Variants in RYR1 observed in about 807,000 individuals in gnomAD.
RYR1 encodes the protein central core disease of muscle.
A neutral mutation model predicts 583.5 loss-of-function variants in RYR1; 342 were observed. That is an observed-to-expected ratio of 0.59 (90% CI 0.54 to 0.64). The LOEUF (loss-of-function observed/expected upper bound fraction) is 0.64, where lower values mean the gene tolerates loss of function less well. RYR1 is among the 30% of genes least tolerant of loss of function. The probability of loss-of-function intolerance (pLI) is 0.00; values close to 1 mark genes in which losing one functional copy is unlikely to be tolerated. For missense variants in RYR1, 6,032 were observed against 6,917.2 expected, an observed-to-expected ratio of 0.87 and a Z score of 4.54; for synonymous variants, 2,791 against 2,822.5, an observed-to-expected ratio of 0.99 and a Z score of 0.35.
intron 67 of RYR1, among the ~76,000 whole-genome samples, chr19:38,521,753 C>CTGG (rs989108156): frequency 2.8e-5 from 4 of 142,480 alleles, no homozygotes; most frequent in Non-Finnish European, 4.6e-5. Context: ...CTCGCCCAGG[C>CTGG]TGGGGTGCAG....
intron 88 of RYR1, among the ~76,000 whole-genome samples, chr19:38,547,518 T>C (rs2960349): frequency 0.099 from 15,048 of 151,762 alleles, 1,575 homozygotes; most frequent in African/African-American, 0.26. Flanking sequence ...CTGGTGGAAG[T>C]TTTAGTTGTG....
chr19:38,457,778 C>T (rs1967496680), intron 17 of RYR1, 148 bp downstream of exon 17: 2 of 880,782 alleles, frequency 2.3e-6, no homozygotes, highest in African/African-American at 1.7e-5. Flanking sequence ...TGTGGCCCCA[C>T]TCTCCCTTGG....
intron 89 of RYR1, among the ~76,000 whole-genome samples, chr19:38,550,745 A>G (rs1348869980): frequency 6.6e-6 from 1 of 152,090 alleles, no homozygotes; most frequent in East Asian, 1.9e-4. Flanking sequence ...GGGGCTCCAC[A>G]ATGAAGTTAC....
At chr19:38,519,132 G>A (rs747503956) in intron 66 of RYR1, 82 bp from the exon 67 acceptor site, 2 of 1,609,834 alleles carry the variant, frequency 1.2e-6, no homozygotes, top group African/African-American at 2.7e-5. Context: ...TGGAGATGCT[G>A]TTTGGGAGTC....
rs1968793542 is a variant in RYR1, at chr19:38,477,515, A to C, written c.4294-195A>C. Among the ~76,000 whole-genome samples, 5 of 152,182 alleles carry C rather than the reference A, an allele frequency of 3.3e-5. No homozygotes were observed. The South Asian group carries it at 8.3e-4, about 25-fold the overall frequency. ...TATGGCACTGTCACACAATATTCCCAAGGGACTCCTAAATCTAGAATTGCA... is the reference window on the plus strand; with the variant it reads ...TATGGCACTGTCACACAATATTCCCCAGGGACTCCTAAATCTAGAATTGCA... On this transcript the variant is annotated intron_variant, in intron 29 of 105. Coordinates refer to ENST00000359596, the MANE Select transcript of RYR1 (RefSeq NM_000540.3).
chr19:38,470,623 G>T (rs1968374573), intron 27 of RYR1, among the ~76,000 whole-genome samples: 1 of 151,866 alleles, frequency 6.6e-6, no homozygotes, highest in South Asian at 2.1e-4. Context: ...GGTGCCTGTA[G>T]TCCCAGCTAC....
At position 38,525,458 on chromosome 19, in the gene RYR1, A is replaced by G. The variant is rs562359442; in HGVS notation, c.10582A>G (p.Thr3528Ala). Residue 3528 changes from threonine to alanine, a missense_variant, in exon 71 of 106, where the codon ACC becomes GCC. By Grantham distance (58) the Thr-to-Ala change is moderately conservative (BLOSUM62 0). This residue lies in a region of RYR1 where 1,493 missense variants were observed against 1,715.5 expected (regional missense o/e 0.87). Coordinates refer to ENST00000359596, the MANE Select transcript of RYR1 (RefSeq NM_000540.3). ...CATCGGCCTGAATATGTGTGCGCCC[A>G]CCGACCAAGACCTCATCACGCTGGC... ...LPIGLNMCAP[T>A]DQDLITLAKT... The G allele has an allele frequency of 1.4e-5, 22 of 1,613,892 alleles. No homozygotes were observed. The South Asian group carries it at 2.4e-4, about 18-fold the overall frequency.
At position 38,505,896 on chromosome 19, in the gene RYR1, G is replaced by A; in HGVS notation, c.8491G>A (p.Glu2831Lys). The A allele has an allele frequency of 6.2e-7, 1 of 1,614,018 alleles. No individual in the cohort carries two copies. The highest frequency in any genetic ancestry group is 8.5e-7 in the Non-Finnish European group (1 of 1,180,016). ...WTIEKAREGE[E>K]EKTEKKKTRK... ...GATAGAGAAGGCCAGGGAGGGTGAG[G>A]AGGAGAAGACGGAAAAGAAAAAAAC... Residue 2831 changes from glutamate (E) to lysine (K), a missense_variant, in exon 54 of 106, where the codon GAG becomes AAG. Glu to Lys is a moderately conservative substitution (Grantham distance 56). This residue lies in a region of RYR1 where 1,493 missense variants were observed against 1,715.5 expected (regional missense o/e 0.87). Coordinates refer to ENST00000359596, the MANE Select transcript of RYR1 (RefSeq NM_000540.3).
chr19:38,470,026 TGTG>T (rs1968335230), intron 27 of RYR1, among the ~76,000 whole-genome samples: 2 of 152,038 alleles, frequency 1.3e-5, no homozygotes, highest in African/African-American at 4.8e-5. Flanking sequence ...ATTAGCCAGA[TGTG>T]GTGGCACATG....
chr19:38,523,058 C>A lies in RYR1; in HGVS notation c.10290C>A (p.Ser3430Arg). 1 of 1,609,642 alleles carries A rather than the reference C, an allele frequency of 6.2e-7. No individual in the cohort carries two copies. Among genetic ancestry groups the A allele is most frequent in the East Asian group, 2.2e-5 (1 of 44,800 alleles). The change falls in exon 68 of 106, where the codon AGC becomes AGA. Residue 3430 changes from serine to arginine, a missense_variant. By Grantham distance (110) the Ser-to-Arg change is moderately radical. This residue lies in a region of RYR1 where 1,493 missense variants were observed against 1,715.5 expected (regional missense o/e 0.87). Coordinates refer to ENST00000359596, the MANE Select transcript of RYR1 (RefSeq NM_000540.3). ...AGTGGCTGACGGAGCCGAATCCCAG[C>A]GCGGAGGAGCTGTTCAGGATGGTGG... The part of the protein sequence containing the change: ...RAQWLTEPNP[S>R]AEELFRMVGE...
intron 48 of RYR1, 51 bp from the exon 49 acceptor site, chr19:38,502,808 GGGAGGAGCAGGGGCAGGGGCA>G (rs1970237206): frequency 9.3e-7 from 1 of 1,074,372 alleles, no homozygotes; most frequent in African/African-American, 2.7e-5. Flanking sequence ...CAGGGGCAGG[GGGAGGAGCAGGGGCAGGGGCA>G]GCAGAGCGGG....
intron 89 of RYR1, among the ~76,000 whole-genome samples, chr19:38,555,763 A>G (rs1250272217): frequency 6.6e-6 from 1 of 152,032 alleles, no homozygotes; most frequent in Non-Finnish European, 1.5e-5. Context: ...CTTCCCCTCT[A>G]TTATCTTTTC....
At chr19:38,562,796 C>T (rs1973210142) in intron 90 of RYR1, among the ~76,000 whole-genome samples, 1 of 152,354 alleles carries the variant, frequency 6.6e-6, no homozygotes, top group Middle Eastern at 3.4e-3. Context: ...CTGAGCCTCT[C>T]GTGGTTGCAC....
At chr19:38,507,603 G>T in intron 57 of RYR1, 109 bp from the exon 58 acceptor site, 3 of 780,192 alleles carry the variant, frequency 3.8e-6, no homozygotes, top group Non-Finnish European at 6.9e-6. Context: ...CTGGGGTGAA[G>T]CCAAAGCTGA....
intron 60 of RYR1, among the ~76,000 whole-genome samples, chr19:38,511,300 A>C (rs918799371): frequency 3.3e-5 from 5 of 152,080 alleles, no homozygotes; most frequent in Admixed American, 6.5e-5. Flanking sequence ...TGTCTAAAAA[A>C]AATAAACAAA....
intron 101 of RYR1, among the ~76,000 whole-genome samples, chr19:38,584,579 C>G (rs117861460): frequency 5.8e-4 from 35 of 60,614 alleles, no homozygotes; most frequent in African/African-American, 2.3e-3. Context: ...CTGCCTGTGC[C>G]CCCCTTATCC....
chr19:38,546,394 G>A (rs1972425357), intron 87 of RYR1, 51 bp from the exon 88 acceptor site: 1 of 1,509,254 alleles, frequency 6.6e-7, no homozygotes, highest in Non-Finnish European at 9.2e-7. Flanking sequence ...AAGCAACAGA[G>A]GTGGGGGAGG....
chr19:38,473,315 A>G (rs2145482115), intron 27 of RYR1, 62 bp from the exon 28 acceptor site: 5 of 1,598,120 alleles, frequency 3.1e-6, no homozygotes, highest in Non-Finnish European at 3.4e-6. Flanking sequence ...GACCAGGTGT[A>G]GGACCAACGG....
intron 87 of RYR1, among the ~76,000 whole-genome samples, chr19:38,545,607 G>A (rs1160831874): frequency 6.6e-6 from 1 of 152,174 alleles, no homozygotes; most frequent in East Asian, 1.9e-4. Flanking sequence ...GAGGTCAGGA[G>A]TTCGAGACCA....
Sources: gnomAD v4.1 joint callset for allele counts (sites outside exome capture counted in the v4.1 genomes callset) on GRCh38, gnomAD v4.1.1 for gene constraint, gnomAD v4.1.1 regional missense constraint, MANE v1.5 for transcripts, NCBI Gene and HGNC (gene_info 2026-07-23, HGNC 2026-07-21) for gene names.